Variants in SCAPER observed in about 807,000 individuals in gnomAD.
SCAPER encodes S-phase cyclin A associated protein in the ER, also known as S phase cyclin A-associated protein in the endoplasmic reticulum.
In SCAPER, 98 loss-of-function variants were observed where a neutral mutation model predicts 182.2. The ratio of observed to expected loss-of-function variants is 0.54; its 90% CI spans 0.46 to 0.64. The LOEUF is 0.64. Ranked by LOEUF, SCAPER falls within the 30% of genes least tolerant of loss-of-function variation. The pLI is 0.00. For missense variants in SCAPER, 1,432 were observed against 1,690.0 expected (o/e 0.85, Z 2.68); for synonymous variants, 605 against 564.6 (o/e 1.07, Z -1.01).
At chr15:76,621,101 A>C (rs921348461) in intron 22 of SCAPER, among the ~76,000 whole-genome samples, 2 of 152,204 alleles carry the variant, frequency 1.3e-5, no homozygotes, top group African/African-American at 4.8e-5. Flanking sequence ...TCTGAATAGG[A>C]CTTCCTAAAC....
At chr15:76,428,397 C>A (rs539858957) in intron 26 of SCAPER, among the ~76,000 whole-genome samples, 1 of 152,234 alleles carries the variant, frequency 6.6e-6, no homozygotes, top group South Asian at 2.1e-4. Flanking sequence ...GTTATACACA[C>A]ATAATGGAAT....
intron 8 of SCAPER, among the ~76,000 whole-genome samples, chr15:76,782,896 A>T (rs931867283): frequency 2.0e-5 from 3 of 152,244 alleles, no homozygotes; most frequent in Non-Finnish European, 4.4e-5. Context: ...GTAAAGGGAA[A>T]GTTATAGCAC....
intron 23 of SCAPER, among the ~76,000 whole-genome samples, chr15:76,544,574 A>G (rs901519097): frequency 6.6e-6 from 1 of 152,174 alleles, no homozygotes; most frequent in East Asian, 1.9e-4. Context: ...AAGACCACAT[A>G]TCGAATAATT....
intron 23 of SCAPER, among the ~76,000 whole-genome samples, chr15:76,532,388 G>A (rs1259381989): frequency 6.9e-6 from 1 of 144,052 alleles, no homozygotes; most frequent in Non-Finnish European, 1.5e-5. Context: ...TCATTCTTGA[G>A]TCAGGGTCTC....
intron 15 of SCAPER, among the ~76,000 whole-genome samples, chr15:76,744,927 AT>A (rs1303412939): frequency 6.6e-6 from 1 of 152,220 alleles, no homozygotes. Context: ...ATTAAAAAAA[AT>A]GTGGTACATA....
chr15:76,875,425 CT>C (rs1407851834), intron 2 of SCAPER, among the ~76,000 whole-genome samples: 1 of 152,138 alleles, frequency 6.6e-6, no homozygotes, highest in African/African-American at 2.4e-5. Flanking sequence ...AGGCGGATCA[CT>C]TGAGGTCAGG....
chr15:76,892,516 G>A (rs1282537654), intron 1 of SCAPER, among the ~76,000 whole-genome samples: 1 of 152,204 alleles, frequency 6.6e-6, no homozygotes, highest in Non-Finnish European at 1.5e-5. Context: ...CGAAGGATAT[G>A]AACAGACACT....
chr15:76,493,493 A>C (rs1255526384), intron 24 of SCAPER, among the ~76,000 whole-genome samples: 1 of 152,186 alleles, frequency 6.6e-6, no homozygotes, highest in Non-Finnish European at 1.5e-5. Context: ...TATTTCCTCA[A>C]ATTAGCCTCT....
chr15:76,883,022 G>C (rs2073657571), intron 2 of SCAPER, among the ~76,000 whole-genome samples: 1 of 152,168 alleles, frequency 6.6e-6, no homozygotes, highest in South Asian at 2.1e-4. Flanking sequence ...ACTTCAGAAG[G>C]TTGTACCTAT....
At chr15:76,356,161 G>A (rs1158710369) in intron 29 of SCAPER, among the ~76,000 whole-genome samples, 1 of 152,188 alleles carries the variant, frequency 6.6e-6, no homozygotes, top group Middle Eastern at 3.2e-3. Context: ...GGAGGTTCAG[G>A]AAGGGGCCAG....
intron 22 of SCAPER, among the ~76,000 whole-genome samples, chr15:76,579,289 A>AAAAAG (rs60204833): frequency 7.3e-5 from 11 of 150,136 alleles, no homozygotes; most frequent in Non-Finnish European, 8.9e-5. Context: ...AAAAAAAAAA[A>AAAAAG]TAGTAACTAC....
chr15:76,436,893 C>T (rs1596610943), intron 25 of SCAPER, among the ~76,000 whole-genome samples: 1 of 152,304 alleles, frequency 6.6e-6, no homozygotes, highest in Middle Eastern at 3.4e-3. Context: ...AGTCTATTGT[C>T]CTGGGACAGT....
chr15:76,511,141 T>C (rs2041996856), intron 23 of SCAPER, among the ~76,000 whole-genome samples: 1 of 152,058 alleles, frequency 6.6e-6, no homozygotes, highest in Non-Finnish European at 1.5e-5. Context: ...AGACTACAAA[T>C]TTGGTTCAGT....
chr15:76,716,400 GA>G (rs1325533103), intron 17 of SCAPER, among the ~76,000 whole-genome samples: 1 of 151,840 alleles, frequency 6.6e-6, no homozygotes, highest in Non-Finnish European at 1.5e-5. Context: ...CAAGAAACAT[GA>G]AAAAGCAAGG....
chr15:76,692,408 G>C (rs182823134), intron 20 of SCAPER, among the ~76,000 whole-genome samples: 208 of 152,194 alleles, frequency 1.4e-3, no homozygotes, highest in African/African-American at 4.9e-3. Context: ...TAACATGAAG[G>C]CTGGGCGTGG....
chr15:76,462,835 C>A (rs115318572), intron 25 of SCAPER, among the ~76,000 whole-genome samples: 2 of 152,054 alleles, frequency 1.3e-5, no homozygotes, highest in African/African-American at 2.4e-5. Flanking sequence ...ACTGTTCTCA[C>A]CAACTTTAAA....
At chr15:76,734,608 G>T (rs2061132053) in intron 15 of SCAPER, among the ~76,000 whole-genome samples, 1 of 152,144 alleles carries the variant, frequency 6.6e-6, no homozygotes, top group South Asian at 2.1e-4. Flanking sequence ...GCCAGGTGTG[G>T]TGGCTACGCC....
In SCAPER at chr15:76,469,698, A is replaced by G. The variant is rs114378115; in HGVS notation, c.3078+1514T>C. ...GTCTGATTCTTGGCTTTCTGACTTA[A>G]TATCTATGTAGCCTTGGGCAAGTCA... On this transcript the variant is annotated intron_variant, in intron 25 of 31. Coordinates refer to ENST00000563290, the MANE Select transcript of SCAPER (RefSeq NM_020843.4). Among the ~76,000 whole-genome samples the G allele has an allele frequency of 5.9e-3, 896 of 152,252 alleles. 9 individuals carry two copies. The highest frequency in any genetic ancestry group is 0.02 in the African/African-American group (847 of 41,558).
intron 27 of SCAPER, among the ~76,000 whole-genome samples, chr15:76,393,344 T>C (rs186315898): frequency 1.7e-4 from 26 of 152,354 alleles, no homozygotes; most frequent in African/African-American, 5.8e-4. Context: ...GCTTAACAAA[T>C]GTTACTTCTT....
Sources: allele counts gnomAD v4.1 joint callset (sites outside exome capture counted in the v4.1 genomes callset), GRCh38; gene constraint gnomAD v4.1.1; transcripts MANE v1.5; gene names NCBI Gene and HGNC (gene_info 2026-07-23, HGNC 2026-07-21).